ADAM10: variants seen among roughly 807,000 people sequenced by gnomAD.
The protein encoded by ADAM10 is ADAM metallopeptidase domain 10, also known as disintegrin and metalloproteinase domain-containing protein 10.
In ADAM10, 17 loss-of-function variants were observed where a neutral mutation model predicts 90.1. That is an observed-to-expected ratio of 0.19 (90% confidence interval 0.13 to 0.28). The LOEUF (loss-of-function observed/expected upper bound fraction) is 0.28, where lower values mean the gene tolerates loss of function less well. ADAM10 is among the 10% of genes least tolerant of loss of function. The pLI is 1.00. For missense variants in ADAM10, 610 were observed against 914.3 expected (o/e 0.67, Z 4.29); for synonymous variants, 310 against 298.6 (o/e 1.04, Z -0.40).
At chr15:58,731,025 C>T (rs1899218769) in intron 1 of ADAM10, among the ~76,000 whole-genome samples, 1 of 152,134 alleles carries the variant, frequency 6.6e-6, no homozygotes, top group Admixed American at 6.5e-5. Context: ...TCTGTATAAT[C>T]GTGTAAGCCA....
intron 11 of ADAM10, among the ~76,000 whole-genome samples, chr15:58,617,003 G>A (rs768671196): frequency 1.4e-4 from 22 of 152,112 alleles, no homozygotes; most frequent in Non-Finnish European, 2.6e-4. Flanking sequence ...CAGCTATTCC[G>A]GAGGCTGAGG....
intron 4 of ADAM10, among the ~76,000 whole-genome samples, chr15:58,665,957 T>C (rs1199680925): frequency 3.9e-5 from 6 of 151,966 alleles, no homozygotes; most frequent in Non-Finnish European, 5.9e-5. Context: ...CCAATGATTT[T>C]TTCCTACCTC....
chr15:58,740,504 C>G (rs1200980890), intron 1 of ADAM10, among the ~76,000 whole-genome samples: 4 of 151,876 alleles, frequency 2.6e-5, no homozygotes, highest in Non-Finnish European at 5.9e-5. Context: ...ACTACTTATA[C>G]ATATCTCAGT....
intron 2 of ADAM10, chr15:58,691,134 G>C: frequency 1.5e-6 from 1 of 689,522 alleles, no homozygotes; most frequent in East Asian, 2.7e-5. Flanking sequence ...AATGCGGCAG[G>C]GTGAAGACAC....
intron 2 of ADAM10, chr15:58,698,403 C>G: frequency 6.0e-6 from 1 of 166,780 alleles, no homozygotes; most frequent in Non-Finnish European, 1.0e-5. Flanking sequence ...AAAACCCCAT[C>G]TCTAAAAAAA....
At chr15:58,717,803 A>G (rs997151829) in intron 1 of ADAM10, 76 bp from the exon 2 acceptor site, 5 of 1,546,944 alleles carry the variant, frequency 3.2e-6, no homozygotes, top group Non-Finnish European at 4.4e-6. Context: ...TTATTCAAGT[A>G]TCTATGAATA....
chr15:58,658,365 C>G (rs1204917898), intron 5 of ADAM10, among the ~76,000 whole-genome samples: 5 of 152,146 alleles, frequency 3.3e-5, no homozygotes, highest in African/African-American at 1.2e-4. Flanking sequence ...CATGTTTACC[C>G]TTAGGTCAAG....
At position 58,688,786 on chromosome 15, in the gene ADAM10, A is replaced by ATATATATATCTCTCTC; in HGVS notation, c.207-6473_207-6472insGAGAGAGATATATATA. On this transcript the variant is annotated intron_variant, in intron 2 of 15. Transcript: ENST00000260408. ...AAAAATTATATATATATATATATAT[A>ATATATATATCTCTCTC]TCTCTCTCTCTCACTGGACTGACTT... 3.0e-4 allele frequency among the ~76,000 whole-genome samples: 37 copies of ATATATATATCTCTCTC among 122,378 alleles called. 1 individual carries two copies. The highest frequency in any genetic ancestry group is 1.2e-3 in the African/African-American group (34 of 27,828). 80.3% of individuals were successfully genotyped at this position (122,378 alleles called of 152,430 possible).
At chr15:58,704,459 C>T (rs372156517) in intron 2 of ADAM10, among the ~76,000 whole-genome samples, 2 of 152,142 alleles carry the variant, frequency 1.3e-5, no homozygotes, top group East Asian at 1.9e-4. Flanking sequence ...AAGCCCCAAC[C>T]AATGAACTTT....
intron 2 of ADAM10, among the ~76,000 whole-genome samples, chr15:58,695,409 T>C (rs1175836873): frequency 2.0e-5 from 3 of 152,230 alleles, no homozygotes; most frequent in South Asian, 2.1e-4. Context: ...TTCTAGGCCA[T>C]ATATGTGACT....
intron 3 of ADAM10, among the ~76,000 whole-genome samples, chr15:58,680,566 T>C (rs1336894803): frequency 1.3e-5 from 2 of 152,092 alleles, no homozygotes; most frequent in Admixed American, 1.3e-4. Context: ...AAGGAAATAA[T>C]AGGAAAAAAG....
intron 1 of ADAM10, among the ~76,000 whole-genome samples, chr15:58,736,529 G>C (rs1251864094): frequency 7.2e-5 from 11 of 152,064 alleles, no homozygotes; most frequent in African/African-American, 2.7e-4. Context: ...TTATGTAGCA[G>C]AATGTCCTTA....
At chr15:58,601,783 T>C (rs932294402) in intron 14 of ADAM10, among the ~76,000 whole-genome samples, 1 of 152,210 alleles carries the variant, frequency 6.6e-6, no homozygotes, top group African/African-American at 2.4e-5. Context: ...TCCTTGGCTT[T>C]TATGACCTTG....
chr15:58,638,584 C>T (rs1308752400), intron 8 of ADAM10, among the ~76,000 whole-genome samples: 1 of 140,992 alleles, frequency 7.1e-6, no homozygotes, highest in East Asian at 2.0e-4. Context: ...CACTGCACTC[C>T]AGCCTGGGTG....
chr15:58,619,836 G>A (rs943530111), intron 11 of ADAM10, among the ~76,000 whole-genome samples: 8 of 151,832 alleles, frequency 5.3e-5, no homozygotes, highest in African/African-American at 1.2e-4. Flanking sequence ...CCCGGGAGGC[G>A]GAGCTTGTAG....
At chr15:58,709,344 C>T (rs1195194138) in intron 2 of ADAM10, among the ~76,000 whole-genome samples, 1 of 152,112 alleles carries the variant, frequency 6.6e-6, no homozygotes, top group Non-Finnish European at 1.5e-5. Flanking sequence ...TGAAATATAA[C>T]ATAATTAAGA....
chr15:58,647,612 G>T (rs1043373449), intron 5 of ADAM10, among the ~76,000 whole-genome samples: 1 of 152,104 alleles, frequency 6.6e-6, no homozygotes, highest in Non-Finnish European at 1.5e-5. Flanking sequence ...GCAGTGGCAT[G>T]ATCACAGCTC....
intron 3 of ADAM10, 101 bp downstream of exon 3, chr15:58,682,095 T>G: frequency 6.5e-7 from 1 of 1,538,594 alleles, no homozygotes; most frequent in Non-Finnish European, 8.8e-7. Flanking sequence ...CTCCTCTGGA[T>G]TTATAACCTT....
At chr15:58,744,650 A>G (rs1260557659) in intron 1 of ADAM10, among the ~76,000 whole-genome samples, 1 of 152,236 alleles carries the variant, frequency 6.6e-6, no homozygotes, top group Non-Finnish European at 1.5e-5. Context: ...AATTCAGTCC[A>G]TTTTAAGGAG....
Sources: allele counts gnomAD v4.1 joint callset (sites outside exome capture counted in the v4.1 genomes callset), GRCh38; gene constraint gnomAD v4.1.1; transcripts MANE v1.5; gene names NCBI Gene and HGNC (gene_info 2026-07-23, HGNC 2026-07-21).